ASXL3: variants seen among roughly 807,000 people sequenced by gnomAD.
ASXL3 encodes putative Polycomb group protein ASXL3.
Under a neutral mutation model 170.6 loss-of-function variants are expected in ASXL3, and 34 were observed. The observed-to-expected ratio is 0.20, with a 90% CI of 0.15 to 0.27. The LOEUF (loss-of-function observed/expected upper bound fraction) is 0.27, where lower values mean the gene tolerates loss of function less well. Ranked by LOEUF, ASXL3 falls within the 10% of genes least tolerant of loss-of-function variation. ASXL3 has a pLI of 1.00. For synonymous variants in ASXL3, 1,002 were observed against 989.1 expected (o/e 1.01, Z -0.24); for missense variants, 2,592 against 2,695.3 (o/e 0.96, Z 0.85).
chr18:33,641,796 T>C (rs933886693), intron 2 of ASXL3: 5 of 152,526 alleles, frequency 3.3e-5, no homozygotes, highest in African/African-American at 9.7e-5. Flanking sequence ...CGGGATATCG[T>C]GGTTTTTCCA....
intron 5 of ASXL3, among the ~76,000 whole-genome samples, chr18:33,666,319 A>T (rs2066255218): frequency 6.6e-6 from 1 of 152,196 alleles, no homozygotes; most frequent in African/African-American, 2.4e-5. Context: ...AAATAGACTG[A>T]TTATGTAATA....
At position 33,743,717 on chromosome 18, in the gene ASXL3, C is replaced by A; in HGVS notation, c.3869C>A (p.Thr1290Asn). Residue 1290 changes from threonine to asparagine, a missense_variant, in exon 12 of 12, where the codon ACT becomes AAT. Transcript: ENST00000269197. ...TTAAAAACCATCCAGGGAACTGACA[C>A]TCCATGCATAGCCATTATACCAAAA... is the stretch of plus-strand genomic sequence containing the variant. ...SMLKTIQGTD[T>N]PCIAIIPKCI... is the part of the protein sequence containing the mutation. 1 of 1,613,910 alleles carries A rather than the reference C, an allele frequency of 6.2e-7. No homozygotes were observed. The highest frequency in any genetic ancestry group is 8.5e-7 in the Non-Finnish European group (1 of 1,179,888).
intron 8 of ASXL3, among the ~76,000 whole-genome samples, chr18:33,710,004 C>G (rs1007095064): frequency 2.6e-5 from 4 of 152,120 alleles, no homozygotes; most frequent in Non-Finnish European, 5.9e-5. Flanking sequence ...GCCTGTAATC[C>G]CAGCACTTTG....
At position 33,650,208 on chromosome 18, in the gene ASXL3, A is replaced by G. The variant is rs563693589; in HGVS notation, c.355+3855A>G. On this transcript the variant is annotated intron_variant, in intron 4 of 11. Transcript: ENST00000269197. The stretch of plus-strand genomic sequence containing the variant: ...GTCATATTAGCAGCTAACATATTCA[A>G]AAAATCAAGGAGAGTAACCAAGAGT... 6.6e-5 allele frequency among the ~76,000 whole-genome samples: 10 copies of G among 152,302 alleles called. No homozygotes were observed. The East Asian group carries it at 1.7e-3, about 27-fold the overall frequency.
intron 2 of ASXL3, among the ~76,000 whole-genome samples, chr18:33,616,237 G>A (rs1364653283): frequency 6.6e-6 from 1 of 152,024 alleles, no homozygotes; most frequent in East Asian, 1.9e-4. Flanking sequence ...AATCCTAATC[G>A]ACTTGGGCTT....
At chr18:33,712,009 A>T (rs967984090) in intron 8 of ASXL3, among the ~76,000 whole-genome samples, 1 of 152,224 alleles carries the variant, frequency 6.6e-6, no homozygotes, top group Non-Finnish European at 1.5e-5. Context: ...TCTGGTTTAC[A>T]GACAATATAT....
rs1296494881 is a variant in ASXL3 at position 33,717,519 on chromosome 18, C to A, written c.880-14449C>A. On this transcript the variant is annotated intron_variant, in intron 8 of 11. Coordinates refer to ENST00000269197, the MANE Select transcript of ASXL3 (RefSeq NM_030632.3). ...TTCCTCATTTGAATAATGAGACAAA[C>A]CGCCACTCAAAGCTGTTAAGAAATT... Among the ~76,000 whole-genome samples, 3 of 152,074 alleles carry A rather than the reference C, an allele frequency of 2.0e-5. No homozygotes were observed. The East Asian group carries it at 5.8e-4, about 29-fold the overall frequency.
At chr18:33,667,806 A>T (rs747243874) in intron 5 of ASXL3, among the ~76,000 whole-genome samples, 1 of 152,194 alleles carries the variant, frequency 6.6e-6, no homozygotes, top group African/African-American at 2.4e-5. Flanking sequence ...TCAATCCTTC[A>T]CTAAAATGTG....
At chr18:33,587,528 C>G (rs1468481945) in intron 1 of ASXL3, among the ~76,000 whole-genome samples, 1 of 151,958 alleles carries the variant, frequency 6.6e-6, no homozygotes, top group Non-Finnish European at 1.5e-5. Context: ...TTTGCCTTCA[C>G]CTTTAAAAAT....
intron 2 of ASXL3, among the ~76,000 whole-genome samples, chr18:33,633,303 CT>C (rs577198560): frequency 6.6e-6 from 1 of 152,020 alleles, no homozygotes; most frequent in Admixed American, 6.5e-5. Flanking sequence ...TATTGTAGCA[CT>C]TTTTTCATGG....
In ASXL3 at chr18:33,590,111, G is replaced by GTTTTTTTTTTTTTTTTTTTTTTTTTTTT. The variant is rs567969303; in HGVS notation, c.54+11445_54+11446insTTTTTTTTTTTTTTTTTTTTTTTTTTTT. Among the ~76,000 whole-genome samples, 55 of 83,172 alleles carry GTTTTTTTTTTTTTTTTTTTTTTTTTTTT rather than the reference G, an allele frequency of 6.6e-4. 2 individuals carry two copies. Among genetic ancestry groups the GTTTTTTTTTTTTTTTTTTTTTTTTTTTT allele is most frequent in the African/African-American group, 1.3e-3 (19 of 14,550 alleles). 54.6% of individuals were successfully genotyped at this position (83,172 alleles called of 152,430 possible). On this transcript the variant is annotated intron_variant, in intron 1 of 11. Transcript: ENST00000269197. ...TGTCGTCAAGGTATTTGCTTTCTAT[G>GTTTTTTTTTTTTTTTTTTTTTTTTTTTT]TTTTTTTTTTTTTTTTTTTGCTTTG...
chr18:33,694,274 C>T (rs906513273), intron 8 of ASXL3, among the ~76,000 whole-genome samples: 3 of 152,152 alleles, frequency 2.0e-5, no homozygotes, highest in Non-Finnish European at 2.9e-5. Context: ...ATTTTTAGAA[C>T]CTCCTTGATT....
intron 8 of ASXL3, among the ~76,000 whole-genome samples, chr18:33,693,856 A>C (rs2066728444): frequency 6.6e-6 from 1 of 152,150 alleles, no homozygotes; most frequent in African/African-American, 2.4e-5. Flanking sequence ...GTTCTTGTTG[A>C]CTGATTAGAT....
At chr18:33,588,841 T>A (rs16964782) in intron 1 of ASXL3, among the ~76,000 whole-genome samples, 3,547 of 152,116 alleles carry the variant, frequency 0.023, 145 homozygotes, top group African/African-American at 0.081. Context: ...TCAAGTCTTC[T>A]CCTCCTTTCT....
At chr18:33,703,387 C>A (rs2145330884) in intron 8 of ASXL3, among the ~76,000 whole-genome samples, 1 of 152,202 alleles carries the variant, frequency 6.6e-6, no homozygotes, top group Admixed American at 6.5e-5. Context: ...GCTCAGCTTA[C>A]CTCTTCTGGA....
rs761843908 is a variant in ASXL3, at chr18:33,745,376, G to A, written c.5528G>A (p.Cys1843Tyr). The A allele has an allele frequency of 3.7e-6, 6 of 1,613,880 alleles. No homozygotes were observed. The East Asian group carries it at 1.3e-4, about 36-fold the overall frequency. The change falls in exon 12 of 12, where the codon TGT (cysteine) becomes TAT (tyrosine). Residue 1843 changes from cysteine (C) to tyrosine (Y), a missense_variant. Transcript: ENST00000269197. ...RTVGEHTQVKCEPGKLLVEPD... is the reference protein window; with the variant it reads ...RTVGEHTQVKYEPGKLLVEPD... ...GTAGGAGAACACACTCAAGTTAAAT[G>A]TGAACCAGGAAAATTGTTGGTGGAG...
chr18:33,702,206 C>CA (rs1454388880), intron 8 of ASXL3, among the ~76,000 whole-genome samples: 1 of 152,170 alleles, frequency 6.6e-6, no homozygotes, highest in African/African-American at 2.4e-5. Context: ...CAACATCAAG[C>CA]ATTTCATAGA....
rs1019609625 is a variant in ASXL3, at chr18:33,670,145, T to A, written c.478-528T>A. Among the ~76,000 whole-genome samples, 3 of 152,160 alleles carry A rather than the reference T, an allele frequency of 2.0e-5. No individual in the cohort carries two copies. In the East Asian group the frequency reaches 5.8e-4, roughly 29 times the overall value. ...GATTCCCTTCACAGAAATAAATGAT[T>A]CCTGCCATGTTGAGTGATTTTGTGC... On this transcript the variant is annotated intron_variant, in intron 5 of 11. Coordinates refer to ENST00000269197, the MANE Select transcript of ASXL3 (RefSeq NM_030632.3).
At chr18:33,664,121 A>G (rs1198862092) in intron 5 of ASXL3, among the ~76,000 whole-genome samples, 2 of 152,142 alleles carry the variant, frequency 1.3e-5, no homozygotes, top group Admixed American at 6.6e-5. Context: ...CGTGGGATAT[A>G]TTATTTAATT....
Sources: gnomAD v4.1 joint callset for allele counts (sites outside exome capture counted in the v4.1 genomes callset) on GRCh38, gnomAD v4.1.1 for gene constraint, MANE v1.5 for transcripts, NCBI Gene and HGNC (gene_info 2026-07-23, HGNC 2026-07-21) for gene names.